The following TPRN variants were observed in gnomAD, a reference collection of about 807,000 sequenced individuals.
TPRN encodes chromosome 9 open reading frame 75.
A neutral mutation model predicts 42.6 loss-of-function variants in TPRN; 32 were observed. That is an observed-to-expected ratio of 0.75 (90% CI 0.57 to 1.01). TPRN has a LOEUF of 1.01. TPRN is among the 50% of genes least tolerant of loss of function. The probability of loss-of-function intolerance (pLI) is 0.00; values close to 1 mark genes in which losing one functional copy is unlikely to be tolerated. For missense variants in TPRN, 1,095 were observed against 957.5 expected (o/e 1.14, Z -1.90); for synonymous variants, 541 against 445.6 (o/e 1.21, Z -2.70).
chr9:137,195,730 G>A (rs979677274), intron 1 of TPRN, among the ~76,000 whole-genome samples: 1 of 152,200 alleles, frequency 6.6e-6, no homozygotes, highest in African/African-American at 2.4e-5. Flanking sequence ...GGGGAGTAGG[G>A]CAGAGGGGAC....
At position 137,192,460 on chromosome 9, in the gene TPRN, C is replaced by CCTCTGAG; in HGVS notation, c.1956_1957insCTCAGAG (p.Gly653LeufsTer4). The CCTCTGAG allele has an allele frequency of 2.5e-6, 4 of 1,606,292 alleles. No individual in the cohort carries two copies. The highest frequency in any genetic ancestry group is 3.4e-6 in the Non-Finnish European group (4 of 1,176,870). On this transcript the variant is annotated frameshift_variant, in exon 2 of 4. Coordinates refer to ENST00000409012, the MANE Select transcript of TPRN (RefSeq NM_001128228.3). LOFTEE classifies it high-confidence loss of function. Reference sequence around the variant, plus strand: ...CCAGGTGGGCACTCACCTGAGCTACCCTCTGGCAGCCGAGAGCTCTCGGGT... The same window carrying CCTCTGAG: ...CCAGGTGGGCACTCACCTGAGCTACCCTCTGAGCTCTGGCAGCCGAGAGCTCTCGGGT...
At position 137,200,447 on chromosome 9, in the gene TPRN, C is replaced by A. The variant is rs1012117933; in HGVS notation, c.265G>T (p.Val89Leu). The A allele has an allele frequency of 3.6e-6, 4 of 1,121,554 alleles. No homozygotes were observed. Among genetic ancestry groups the A allele is most frequent in the Non-Finnish European group, 4.4e-6 (4 of 916,580 alleles). The allele number at this position is 1,121,554 out of a possible 1,614,324, so 69.5% of individuals were successfully genotyped here. ...LLERYRRVPG[V>L]RALRADSVLI... Reference sequence around the variant, plus strand: ...ACGCTGTCGGCGCGGAGGGCGCGCACGCCAGGCACGCGGCGGTACCGCTCC... The same window carrying A: ...ACGCTGTCGGCGCGGAGGGCGCGCAAGCCAGGCACGCGGCGGTACCGCTCC... Residue 89 changes from valine (V) to leucine (L), a missense_variant, in exon 1 of 4, where the codon GTG becomes TTG. By Grantham distance (32) the Val-to-Leu change is conservative (BLOSUM62 1). Transcript: ENST00000409012. The surrounding 1 kb of genome is among the most constrained non-coding windows in gnomAD (Gnocchi z 4.3).
In TPRN at chr9:137,192,074, C is replaced by A; in HGVS notation, c.*38G>T. ...GCTACTGCCCAGCTTCCGGGACTCC[C>A]ACAGCTGGGCTCAGCCTTGGTCCTG... is the stretch of plus-strand genomic sequence containing the variant. On this transcript the variant is annotated 3_prime_UTR_variant, in exon 4 of 4. Coordinates refer to ENST00000409012, the MANE Select transcript of TPRN (RefSeq NM_001128228.3). The A allele has an allele frequency of 6.2e-7, 1 of 1,608,222 alleles. No homozygotes were observed. Among genetic ancestry groups the A allele is most frequent in the South Asian group, 1.1e-5 (1 of 91,056 alleles).
intron 1 of TPRN, chr9:137,193,554 G>C (rs1680295646): frequency 1.3e-5 from 2 of 152,332 alleles, no homozygotes; most frequent in South Asian, 4.1e-4. Context: ...CAATGGTCAG[G>C]ACTCTCCACC....
In TPRN at chr9:137,199,977, C is replaced by T; in HGVS notation, c.735G>A (p.Ser245=). 1 of 1,450,548 alleles carries T rather than the reference C, an allele frequency of 6.9e-7. No individual in the cohort carries two copies. 89.9% of individuals were successfully genotyped at this position (1,450,548 alleles called of 1,614,324 possible). A position where few individuals can be genotyped will look rare whatever the true frequency, so the allele number is the denominator to read the frequency against. ...ANRLAGSPPG[S]GQWKPKVESG... is the part of the protein sequence containing the mutation. ...ACTCCACCTTTGGCTTCCACTGTCC[C>T]GACCCAGGCGGGGAGCCCGCGAGGC... Residue 245 remains serine, a synonymous_variant, in exon 1 of 4, where the codon TCG becomes TCA. Transcript: ENST00000409012.
intron 1 of TPRN, chr9:137,192,984 T>A: frequency 2.1e-6 from 1 of 472,194 alleles, no homozygotes; most frequent in Non-Finnish European, 3.8e-6. Context: ...GACCAGCTCC[T>A]GGAGCTACCA....
chr9:137,197,393 C>T (rs573299413), intron 1 of TPRN, among the ~76,000 whole-genome samples: 21 of 152,242 alleles, frequency 1.4e-4, no homozygotes, highest in African/African-American at 4.3e-4. Flanking sequence ...TGAGCCACCG[C>T]GCCCAGCCCA....
Position 137,199,447 on chromosome 9 carries a change from A to T in TPRN, c.1265T>A (p.Phe422Tyr). The T allele has an allele frequency of 6.2e-7, 1 of 1,608,722 alleles. No individual in the cohort carries two copies. Among genetic ancestry groups the T allele is most frequent in the Non-Finnish European group, 8.5e-7 (1 of 1,178,174 alleles). ...RWQRPSSPPP[F>Y]LPAASEEAEP... ...AGCTTCTTCCGAAGCAGCCGGCAGG[A>T]AGGGGGGCGGTGAGGACGGCCTCTG... is the stretch of plus-strand genomic sequence containing the variant. Residue 422 changes from phenylalanine (F) to tyrosine (Y), a missense_variant, in exon 1 of 4, where the codon TTC (phenylalanine) becomes TAC (tyrosine). By Grantham distance (22) the Phe-to-Tyr change is conservative (BLOSUM62 3). Transcript: ENST00000409012.
At chr9:137,192,833 G>T in intron 1 of TPRN, 142 bp from the exon 2 acceptor site, 1 of 859,188 alleles carries the variant, frequency 1.2e-6, no homozygotes, top group South Asian at 1.6e-5. Flanking sequence ...GCTCCAGGAG[G>T]GGGCACAGAG....
At position 137,200,386 on chromosome 9, in the gene TPRN, G is replaced by T; in HGVS notation, c.326C>A (p.Ala109Glu). 9.2e-7 allele frequency: 1 copy of T among 1,089,048 alleles called. No individual in the cohort carries two copies. Among genetic ancestry groups the T allele is most frequent in the Non-Finnish European group, 1.1e-6 (1 of 899,026 alleles). The allele number at this position is 1,089,048 out of a possible 1,614,324, so 67.5% of individuals were successfully genotyped here. A position where few individuals can be genotyped will look rare whatever the true frequency, so the allele number is the denominator to read the frequency against. Residue 109 changes from alanine (A) to glutamate (E), a missense_variant, in exon 1 of 4, where the codon GCG becomes GAG. Physicochemically the swap from Ala to Glu is moderately radical, Grantham distance 107 (BLOSUM62 -1). Coordinates refer to ENST00000409012, the MANE Select transcript of TPRN (RefSeq NM_001128228.3). This position sits in a 1 kb window ranked among gnomAD's most constrained non-coding sequence, Gnocchi z 4.3. Reference sequence around the variant, plus strand: ...CTGCGCGGCCCCCGGGGCGGGCGGCGCGGGCGGGAAGCCGGGCACCGTCTC... The same window carrying T: ...CTGCGCGGCCCCCGGGGCGGGCGGCTCGGGCGGGAAGCCGGGCACCGTCTC... ...IIETVPGFPP[A>E]PPAPGAAQIR...
At position 137,199,594 on chromosome 9, in the gene TPRN, G is replaced by A. The variant is rs752236792; in HGVS notation, c.1118C>T (p.Pro373Leu). Reference sequence around the variant, plus strand: ...GAGGGCAGGCGCACCATCCCCTCCAGGCACCGGCTGGGATCCGAGCTCCTG... The same window carrying A: ...GAGGGCAGGCGCACCATCCCCTCCAAGCACCGGCTGGGATCCGAGCTCCTG... ...PSQELGSQPV[P>L]GGDGAPALGK... Residue 373 changes from proline (P) to leucine (L), a missense_variant, in exon 1 of 4, where the codon CCT becomes CTT. Physicochemically the swap from Pro to Leu is moderately conservative, Grantham distance 98. Coordinates refer to ENST00000409012, the MANE Select transcript of TPRN (RefSeq NM_001128228.3). 4 of 1,555,992 alleles carry A rather than the reference G, an allele frequency of 2.6e-6. No homozygotes were observed. Among genetic ancestry groups the A allele is most frequent in the Non-Finnish European group, 3.5e-6 (4 of 1,150,204 alleles).
Position 137,199,828 on chromosome 9 carries a change from T to C in TPRN, c.884A>G (p.Asp295Gly), listed in dbSNP as rs1438954463. 6.3e-7 allele frequency: 1 copy of C among 1,578,378 alleles called. No homozygotes were observed. Among genetic ancestry groups the C allele is most frequent in the Non-Finnish European group, 8.6e-7 (1 of 1,163,080 alleles). ...QCVSAATSTN[D>G]SFEIRPAPKP... ...GGGGGCCGGCCGTATCTCGAAGGAGTCGTTGGTGCTGGTGGCTGCGGAGAC... is the reference window on the plus strand; with the variant it reads ...GGGGGCCGGCCGTATCTCGAAGGAGCCGTTGGTGCTGGTGGCTGCGGAGAC... Residue 295 changes from aspartate (D) to glycine (G), a missense_variant, in exon 1 of 4, where the codon GAC (aspartate) becomes GGC (glycine). Asp to Gly is a moderately conservative substitution (Grantham distance 94). Transcript: ENST00000409012.
rs756681171 is a variant in TPRN, at chr9:137,192,065, C to CGG, written c.*45_*46dup. ...TAGTCCCTGGCTACTGCCCAGCTTC[C>CGG]GGGACTCCCACAGCTGGGCTCAGCC... On this transcript the variant is annotated 3_prime_UTR_variant, in exon 4 of 4. Coordinates refer to ENST00000409012, the MANE Select transcript of TPRN (RefSeq NM_001128228.3). 49 of 1,604,164 alleles carry CGG rather than the reference C, an allele frequency of 3.1e-5. No individual in the cohort carries two copies. Among genetic ancestry groups the CGG allele is most frequent in the Non-Finnish European group, 4.2e-5 (49 of 1,177,882 alleles).
chr9:137,199,103 G>A lies in TPRN; in HGVS notation c.1609C>T (p.Leu537Phe), dbSNP rs1454190235. ...REAEEEEASCLLGPTLKKRYP... is the reference protein window; with the variant it reads ...REAEEEEASCFLGPTLKKRYP... ...CGCTTCTTCAACGTGGGCCCCAGGA[G>A]GCAACTAGCCTCCTCCTCCTCGGCC... The change falls in exon 1 of 4, where the codon CTC becomes TTC. Residue 537 changes from leucine to phenylalanine, a missense_variant. Transcript: ENST00000409012. The A allele has an allele frequency of 4.3e-6, 7 of 1,613,254 alleles. No individual in the cohort carries two copies. The highest frequency in any genetic ancestry group is 5.1e-6 in the Non-Finnish European group (6 of 1,179,994).
intron 1 of TPRN, chr9:137,193,745 G>A (rs1228372103): frequency 6.6e-6 from 1 of 152,436 alleles, no homozygotes; most frequent in African/African-American, 2.4e-5. Flanking sequence ...CAGGACACCA[G>A]CAGCTCAAGT....
In TPRN at chr9:137,199,071, G is replaced by A. The variant is rs1834749674; in HGVS notation, c.1641C>T (p.Pro547=). 1 of 1,613,308 alleles carries A rather than the reference G, an allele frequency of 6.2e-7. No homozygotes were observed. The highest frequency in any genetic ancestry group is 8.5e-7 in the Non-Finnish European group (1 of 1,179,988). The change falls in exon 1 of 4, where the codon CCC becomes CCT. Residue 547 remains proline, a synonymous_variant. Transcript: ENST00000409012. ...LLGPTLKKRY[P]TVHEIEVIGG... ...CAATCACCTCGATCTCATGCACGGT[G>A]GGGTAGCGCTTCTTCAACGTGGGCC...
intron 1 of TPRN, among the ~76,000 whole-genome samples, chr9:137,196,573 G>A (rs1324287887): frequency 6.6e-6 from 1 of 152,120 alleles, no homozygotes; most frequent in Non-Finnish European, 1.5e-5. Flanking sequence ...GGGCGACAGA[G>A]CAAGACTCTG....
At chr9:137,192,996 C>T (rs1051312092) in intron 1 of TPRN, 3 of 446,564 alleles carry the variant, frequency 6.7e-6, no homozygotes, top group Non-Finnish European at 1.2e-5. Context: ...GAGCTACCAT[C>T]TCAGGCCCCT....
chr9:137,198,504 G>A (rs867483890), intron 1 of TPRN, among the ~76,000 whole-genome samples: 11 of 152,242 alleles, frequency 7.2e-5, no homozygotes, highest in South Asian at 4.1e-4. Context: ...AAGGCTGACT[G>A]TGATGCGAGG....
Sources: allele counts gnomAD v4.1 joint callset (sites outside exome capture counted in the v4.1 genomes callset), GRCh38; gene constraint gnomAD v4.1.1; non-coding constraint Gnocchi (gnomAD v3.1); transcripts MANE v1.5; gene names NCBI Gene and HGNC (gene_info 2026-07-23, HGNC 2026-07-21).